WFDC13: variants seen among roughly 807,000 people sequenced by gnomAD.
The protein encoded by WFDC13 is WAP four-disulfide core domain 13.
Under a neutral mutation model 10.9 loss-of-function variants are expected in WFDC13, and 6 were observed. That is an observed-to-expected ratio of 0.55 (90% CI 0.30 to 1.09). The LOEUF (loss-of-function observed/expected upper bound fraction) is 1.09, where lower values mean the gene tolerates loss of function less well. Among genes scored for constraint, WFDC13 ranks in the 50% least tolerant of loss-of-function variants. The probability of loss-of-function intolerance (pLI) is 0.06; values close to 1 mark genes in which losing one functional copy is unlikely to be tolerated. For missense variants in WFDC13, 104 were observed against 109.6 expected (o/e 0.95, Z 0.23); for synonymous variants, 38 against 39.5 (o/e 0.96, Z 0.14).
At chr20:45,704,684 CTCCT>C (rs1984315686) in intron 2 of WFDC13, 90 bp downstream of exon 2, 1 of 1,471,482 alleles carries the variant, frequency 6.8e-7, no homozygotes, top group Non-Finnish European at 9.0e-7. Context: ...TGCTGGATCT[CTCCT>C]TTTTTTTTTT....
At chr20:45,705,098 T>C in intron 2 of WFDC13, 1 of 1,114,396 alleles carries the variant, frequency 9.0e-7, no homozygotes, top group Non-Finnish European at 1.4e-6. Context: ...TGGAGTGTGC[T>C]CCCAGGGCAG....
Position 45,704,802 on chromosome 20 carries a change from T to A in WFDC13, c.239+208T>A, listed in dbSNP as rs563310840. On this transcript the variant is annotated intron_variant, in intron 2 of 3. Coordinates refer to ENST00000305479, the MANE Select transcript of WFDC13 (RefSeq NM_172005.2). ...CCCTCCTCCCCTCCCAATCACCACATCCCATCACCATATCCGTGAATTTCT... is the reference window on the plus strand; with the variant it reads ...CCCTCCTCCCCTCCCAATCACCACAACCCATCACCATATCCGTGAATTTCT... The A allele has an allele frequency of 4.1e-5, 53 of 1,297,948 alleles. No homozygotes were observed. In the African/African-American group the frequency reaches 6.8e-4, roughly 17 times the overall value. The allele number at this position is 1,297,948 out of a possible 1,614,324, so 80.4% of individuals were successfully genotyped here. A position where few individuals can be genotyped will look rare whatever the true frequency, so the allele number is the denominator to read the frequency against.
At chr20:45,705,736 C>A in intron 2 of WFDC13, 127 bp from the exon 3 acceptor site, 1 of 830,582 alleles carries the variant, frequency 1.2e-6, no homozygotes, top group Non-Finnish European at 1.8e-6. Context: ...GAGGTTCTGC[C>A]TTCCCTATGG....
chr20:45,702,234 A>T, intron 1 of WFDC13, 23 bp downstream of exon 1: 2 of 1,602,796 alleles, frequency 1.2e-6, no homozygotes, highest in Non-Finnish European at 1.7e-6. Flanking sequence ...TCTGGGCCCA[A>T]GGAGGGAAGT....
At chr20:45,704,167 T>C (rs903727686) in intron 1 of WFDC13, among the ~76,000 whole-genome samples, 1 of 152,146 alleles carries the variant, frequency 6.6e-6, no homozygotes, top group African/African-American at 2.4e-5. Context: ...CCATAGTCAA[T>C]GGGGGCTTGG....
At position 45,702,508 on chromosome 20, in the gene WFDC13, G is replaced by A. The variant is rs1017145647; in HGVS notation, c.88+297G>A. On this transcript the variant is annotated intron_variant, in intron 1 of 3. Coordinates refer to ENST00000305479, the MANE Select transcript of WFDC13 (RefSeq NM_172005.2). Reference sequence around the variant, plus strand: ...TAAATGCTCAGTAATATTAAATGCTGTAAATGTGATCAGCCTCATCATCCA... The same window carrying A: ...TAAATGCTCAGTAATATTAAATGCTATAAATGTGATCAGCCTCATCATCCA... 3.3e-5 allele frequency among the ~76,000 whole-genome samples: 5 copies of A among 152,178 alleles called. No individual in the cohort carries two copies. The East Asian group carries it at 7.7e-4, about 23-fold the overall frequency.
chr20:45,706,747 G>A (rs1984407024), intron 3 of WFDC13, among the ~76,000 whole-genome samples: 1 of 149,276 alleles, frequency 6.7e-6, no homozygotes, highest in South Asian at 2.1e-4. Context: ...ACTCCAGCCT[G>A]GGCGACAGAG....
intron 1 of WFDC13, 150 bp downstream of exon 1, chr20:45,702,361 C>A (rs555729960): frequency 4.2e-5 from 34 of 815,272 alleles, no homozygotes; most frequent in Admixed American, 3.3e-4. Context: ...GGTTTGAATC[C>A]CTGCTCTGTT....
At chr20:45,705,101 C>A in intron 2 of WFDC13, 1 of 1,083,368 alleles carries the variant, frequency 9.2e-7, no homozygotes, top group Middle Eastern at 2.0e-4. Flanking sequence ...AGTGTGCTCC[C>A]AGGGCAGAGA....
Position 45,708,446 on chromosome 20 carries a change from A to T in WFDC13, c.*611A>T, listed in dbSNP as rs1984484015. On this transcript the variant is annotated 3_prime_UTR_variant, in exon 4 of 4. Coordinates refer to ENST00000305479, the MANE Select transcript of WFDC13 (RefSeq NM_172005.2). ...CAAGGTCTTGCCCCCGGCATGTAGC[A>T]CCACCTGAGCCAGAAACTGCAGAGG... The T allele has an allele frequency of 6.6e-6, 1 of 152,214 alleles. No homozygotes were observed. The highest frequency in any genetic ancestry group is 1.5e-5 in the Non-Finnish European group (1 of 68,036). The allele number at this position is 152,214 out of a possible 1,614,324, so 9.4% of individuals were successfully genotyped here. A position where few individuals can be genotyped will look rare whatever the true frequency, so the allele number is the denominator to read the frequency against.
chr20:45,705,424 TG>T (rs146948065), intron 2 of WFDC13, among the ~76,000 whole-genome samples: 2,388 of 152,322 alleles, frequency 0.016, 68 homozygotes, highest in African/African-American at 0.055. Context: ...GCCAAACACC[TG>T]GGCTCAAATC....
chr20:45,704,298 G>A (rs1223192498), intron 1 of WFDC13, 146 bp from the exon 2 acceptor site: 13 of 1,046,048 alleles, frequency 1.2e-5, no homozygotes, highest in Non-Finnish European at 1.7e-5. Context: ...GGCAGCAGCT[G>A]AGGACAAAAC....
chr20:45,704,713 A>T, intron 2 of WFDC13, 119 bp downstream of exon 2: 1 of 1,453,864 alleles, frequency 6.9e-7, no homozygotes. Context: ...CTTGGTGGCC[A>T]TGTTGCCAAC....
At chr20:45,705,150 C>G in intron 2 of WFDC13, 1 of 658,898 alleles carries the variant, frequency 1.5e-6, no homozygotes, top group Non-Finnish European at 2.7e-6. Flanking sequence ...GGTTTCTAAT[C>G]CCATCTTGCA....
intron 1 of WFDC13, among the ~76,000 whole-genome samples, chr20:45,703,536 T>C (rs1984259957): frequency 6.6e-6 from 1 of 152,168 alleles, no homozygotes; most frequent in East Asian, 1.9e-4. Context: ...TTTTGACTTT[T>C]GCCCCCAAAG....
At chr20:45,702,433 A>C (rs939990889) in intron 1 of WFDC13, among the ~76,000 whole-genome samples, 1 of 152,228 alleles carries the variant, frequency 6.6e-6, no homozygotes, top group Non-Finnish European at 1.5e-5. Flanking sequence ...TGAATACAGG[A>C]GGAGAACAGA....
In WFDC13 at chr20:45,702,215, G is replaced by A. The variant is rs1212936483; in HGVS notation, c.88+4G>A. On this transcript the variant is annotated splice_donor_region_variant and intron_variant, in intron 1 of 3. Coordinates refer to ENST00000305479, the MANE Select transcript of WFDC13 (RefSeq NM_172005.2). ...AGTCCCAAGCAGCGTGTTCTGAGTA[G>A]GTGCTGGATCTGGGCCCAAGGAGGG... 6.8e-6 allele frequency: 11 copies of A among 1,610,638 alleles called. No homozygotes were observed. Among genetic ancestry groups the A allele is most frequent in the Non-Finnish European group, 9.3e-6 (11 of 1,178,630 alleles).
intron 2 of WFDC13, 93 bp downstream of exon 2, chr20:45,704,687 C>CTTTT: frequency 3.0e-6 from 4 of 1,333,302 alleles, no homozygotes; most frequent in Non-Finnish European, 4.0e-6. Context: ...TGGATCTCTC[C>CTTTT]TTTTTTTTTT....
intron 1 of WFDC13, 39 bp downstream of exon 1, chr20:45,702,250 G>C (rs1181841530): frequency 1.3e-6 from 2 of 1,580,336 alleles, no homozygotes; most frequent in South Asian, 2.3e-5. Context: ...GAAGTAACAT[G>C]TGTGGATAGG....
Sources: gnomAD v4.1 joint callset for allele counts (sites outside exome capture counted in the v4.1 genomes callset) on GRCh38, gnomAD v4.1.1 for gene constraint, MANE v1.5 for transcripts, NCBI Gene and HGNC (gene_info 2026-07-23, HGNC 2026-07-21) for gene names.